The following MYO5C variants were observed in gnomAD, a reference collection of about 807,000 sequenced individuals.
The protein encoded by MYO5C is myosin VC.
MYO5C carries 194 observed loss-of-function variants against 235.7 expected under a neutral mutation model. That is an observed-to-expected ratio of 0.82 (90% CI 0.73 to 0.93). The LOEUF (loss-of-function observed/expected upper bound fraction) is 0.93. MYO5C is among the 40% of genes least tolerant of loss of function. The pLI, the probability that MYO5C is intolerant of heterozygous loss-of-function variation, is 0.00. For missense variants in MYO5C, 2,038 were observed against 2,127.2 expected, an observed-to-expected ratio of 0.96 and a Z score of 0.82; for synonymous variants, 707 against 754.8, an observed-to-expected ratio of 0.94 and a Z score of 1.04.
chr15:52,231,125 G>A lies in MYO5C; in HGVS notation c.3026+1497C>T, dbSNP rs151151517. On this transcript the variant is annotated intron_variant, in intron 24 of 40. Coordinates refer to ENST00000261839, the MANE Select transcript of MYO5C (RefSeq NM_018728.4). ...TTACAGGTGTGAGCCAGTACGCCTG[G>A]CCCAGAAGTCTTATGTAAAAAGAAT... Among the ~76,000 whole-genome samples the A allele has an allele frequency of 7.2e-5, 11 of 152,276 alleles. No individual in the cohort carries two copies. In the East Asian group the frequency reaches 2.1e-3, roughly 29 times the overall value.
At chr15:52,262,190 G>A (rs529773697) in intron 9 of MYO5C, among the ~76,000 whole-genome samples, 84 of 152,310 alleles carry the variant, frequency 5.5e-4, no homozygotes, top group South Asian at 1.5e-3. Flanking sequence ...AGATGGCTTT[G>A]TCCAAATTTA....
intron 11 of MYO5C, among the ~76,000 whole-genome samples, chr15:52,255,292 T>C (rs1337313556): frequency 1.3e-5 from 2 of 152,224 alleles, no homozygotes; most frequent in East Asian, 1.9e-4. Flanking sequence ...CAAGACGTCA[T>C]GCTATGTTTT....
chr15:52,280,922 C>A (rs1250019612), intron 2 of MYO5C, among the ~76,000 whole-genome samples: 2 of 152,204 alleles, frequency 1.3e-5, no homozygotes, highest in Non-Finnish European at 2.9e-5. Flanking sequence ...TTGGTCTGTT[C>A]TGCATAAAGC....
rs1314951046 is a variant in MYO5C at position 52,237,644 on chromosome 15, G to A, written c.2706C>T (p.Asn902=). The part of the protein sequence containing the change: ...QRLQKKLEDQ[N]KENHGLVEKL... The stretch of plus-strand genomic sequence containing the variant: ...TCTCCACCAGCCCATGGTTTTCTTT[G>A]TTCTAGAGAAAAGAAAATTCAGATG... Residue 902 remains asparagine, a splice_region_variant and synonymous_variant, in exon 22 of 41, where the codon AAC becomes AAT. Transcript: ENST00000261839. 1.2e-6 allele frequency: 2 copies of A among 1,605,042 alleles called. No homozygotes were observed. The highest frequency in any genetic ancestry group is 2.2e-5 in the East Asian group (1 of 44,862).
intron 21 of MYO5C, 25 bp from the exon 22 acceptor site, chr15:52,237,671 TTAG>T: frequency 6.3e-7 from 1 of 1,595,700 alleles, no homozygotes; most frequent in Non-Finnish European, 8.5e-7. Flanking sequence ...ATTCAGATGT[TTAG>T]AGGTTAATCC....
At chr15:52,295,277 G>A (rs1486872542) in intron 1 of MYO5C, among the ~76,000 whole-genome samples, 1 of 152,238 alleles carries the variant, frequency 6.6e-6, no homozygotes, top group East Asian at 1.9e-4. Flanking sequence ...CTGGGCACTG[G>A]GGATTCTAGG....
Position 52,264,196 on chromosome 15 carries a change from T to C in MYO5C, c.1041A>G (p.Ser347=). The C allele has an allele frequency of 6.2e-7, 1 of 1,610,644 alleles. No individual in the cohort carries two copies. The highest frequency in any genetic ancestry group is 8.5e-7 in the Non-Finnish European group (1 of 1,176,878). The change falls in exon 9 of 41, where the codon TCA becomes TCG. Residue 347 remains serine, a synonymous_variant. Transcript: ENST00000261839. ...AAACAAATGAGCATCTCACACTAAC[T>C]GAGGACCTCTCGTTGCCCACCGCGG... is the stretch of plus-strand genomic sequence containing the variant. ...QITAVGNERS[S]VSEDDSHLKV...
intron 10 of MYO5C, among the ~76,000 whole-genome samples, chr15:52,260,304 T>A (rs936704608): frequency 6.6e-6 from 1 of 151,998 alleles, no homozygotes; most frequent in Non-Finnish European, 1.5e-5. Flanking sequence ...AGGATTGGGG[T>A]AGGGGGGTGG....
At chr15:52,237,277 C>G in intron 22 of MYO5C, 1 of 525,906 alleles carries the variant, frequency 1.9e-6, no homozygotes, top group Non-Finnish European at 3.2e-6. Context: ...TTGCATTTCT[C>G]TCATTATTAA....
At position 52,282,210 on chromosome 15, in the gene MYO5C, G is replaced by T. The variant is rs142199028; in HGVS notation, c.138+572C>A. Among the ~76,000 whole-genome samples the T allele has an allele frequency of 1.2e-3, 183 of 152,188 alleles. 1 individual carries two copies. Among genetic ancestry groups the T allele is most frequent in the African/African-American group, 4.2e-3 (174 of 41,506 alleles). On this transcript the variant is annotated intron_variant, in intron 2 of 40. Transcript: ENST00000261839. ...GAGGCACCTCATAATGTCACACAAA[G>T]CTGGGTGTCCATGTCTTCTTGTCCC...
chr15:52,263,651 G>A (rs2036739850), intron 9 of MYO5C, among the ~76,000 whole-genome samples: 2 of 152,134 alleles, frequency 1.3e-5, no homozygotes, highest in African/African-American at 4.8e-5. Flanking sequence ...TGCACTTGCT[G>A]TTCTTCCCCC....
rs377090738 is a variant in MYO5C, at chr15:52,229,213, G to T, written c.3127C>A (p.Leu1043Ile). 8 of 1,614,114 alleles carry T rather than the reference G, an allele frequency of 5.0e-6. No individual in the cohort carries two copies. The African/African-American group carries it at 1.1e-4, about 22-fold the overall frequency. The change falls in exon 25 of 41, where the codon CTC (leucine) becomes ATC (isoleucine). Residue 1043 changes from leucine to isoleucine, a missense_variant. Leu to Ile is a conservative substitution (Grantham distance 5). Coordinates refer to ENST00000261839, the MANE Select transcript of MYO5C (RefSeq NM_018728.4). ...TGCTCCCCCTCCACCAGGTGTTGGA[G>T]TTGCATCTTCTCATCCTTGAGAGCT... ...IKALKDEKMQ[L>I]QHLVEGEHVT...
intron 21 of MYO5C, among the ~76,000 whole-genome samples, chr15:52,239,030 C>A (rs1466626719): frequency 6.6e-6 from 1 of 152,024 alleles, no homozygotes; most frequent in African/African-American, 2.4e-5. Flanking sequence ...TGGCCTACTG[C>A]AACCTCTGCC....
At chr15:52,295,211 G>A (rs1264774793) in intron 1 of MYO5C, among the ~76,000 whole-genome samples, 1 of 152,188 alleles carries the variant, frequency 6.6e-6, no homozygotes, top group African/African-American at 2.4e-5. Context: ...CCCGTGGTGT[G>A]GTAGGAAGGG....
intron 36 of MYO5C, 135 bp from the exon 37 acceptor site, chr15:52,206,101 C>G: frequency 1.9e-6 from 1 of 531,966 alleles, no homozygotes; most frequent in Non-Finnish European, 3.1e-6. Flanking sequence ...CTTGGGGTAG[C>G]ATGTACCTTC....
intron 10 of MYO5C, among the ~76,000 whole-genome samples, chr15:52,258,732 ACT>A (rs1434292697): frequency 1.3e-5 from 2 of 152,124 alleles, no homozygotes. Flanking sequence ...CGTATCATGA[ACT>A]CAAGGGTGGC....
In MYO5C at chr15:52,287,074, CCTTA is replaced by C. The variant is rs567470603; in HGVS notation, c.28-4186_28-4183del. Among the ~76,000 whole-genome samples the C allele has an allele frequency of 2.4e-4, 37 of 151,400 alleles. 1 individual carries two copies. Among genetic ancestry groups the C allele is most frequent in the South Asian group, 6.2e-4 (3 of 4,818 alleles). ...CCTATCTATTAGTTAATATAAATCG[CCTTA>C]CTTAATCAATAAAACAGAAAAGTCA... On this transcript the variant is annotated intron_variant, in intron 1 of 40. Coordinates refer to ENST00000261839, the MANE Select transcript of MYO5C (RefSeq NM_018728.4).
At chr15:52,197,833 ACCATGTTGG>A (rs1415420579) in intron 38 of MYO5C, among the ~76,000 whole-genome samples, 2 of 151,652 alleles carry the variant, frequency 1.3e-5, no homozygotes, top group Non-Finnish European at 2.9e-5. Flanking sequence ...ACAGGGTTTC[ACCATGTTGG>A]CCAGGCTGGT....
rs1461973264 is a variant in MYO5C at position 52,244,433 on chromosome 15, G to C, written c.2313C>G (p.Leu771=). 6.2e-7 allele frequency: 1 copy of C among 1,614,054 alleles called. No homozygotes were observed. The change falls in exon 19 of 41, where the codon CTC becomes CTG. Residue 771 remains leucine (L), a synonymous_variant. Coordinates refer to ENST00000261839, the MANE Select transcript of MYO5C (RefSeq NM_018728.4). ...VMVQKHMRGW[L]QRKKFLRERR... is the part of the protein sequence containing the mutation. ...TCTCTCGGAGGAATTTTTTCCTCTG[G>C]AGCCAGCCACGCATGTGCTTTTGTA...
Sources: gnomAD v4.1 joint callset for allele counts (sites outside exome capture counted in the v4.1 genomes callset) on GRCh38, gnomAD v4.1.1 for gene constraint, MANE v1.5 for transcripts, NCBI Gene and HGNC (gene_info 2026-07-23, HGNC 2026-07-21) for gene names.